Variants in CACNA1D observed in about 807,000 individuals in gnomAD.
The protein encoded by CACNA1D is voltage-dependent L-type calcium channel subunit alpha-1D.
CACNA1D carries 55 observed loss-of-function variants against 257.1 expected under a neutral mutation model. The observed-to-expected ratio is 0.21, with a 90% CI of 0.17 to 0.27. The LOEUF (loss-of-function observed/expected upper bound fraction) is 0.27, where lower values mean the gene tolerates loss of function less well. Among genes scored for constraint, CACNA1D ranks in the 10% least tolerant of loss-of-function variants. The probability of loss-of-function intolerance (pLI) is 1.00; values close to 1 mark genes in which losing one functional copy is unlikely to be tolerated. For missense variants in CACNA1D, 1,876 were observed against 2,784.0 expected (o/e 0.67, Z 7.34); for synonymous variants, 980 against 1,014.9 (o/e 0.97, Z 0.65).
chr3:53,670,616 A>C (rs2094313524), intron 7 of CACNA1D, among the ~76,000 whole-genome samples: 2 of 152,186 alleles, frequency 1.3e-5, no homozygotes, highest in Non-Finnish European at 2.9e-5. Context: ...AAGTGTTGGG[A>C]TTGCAGGCGT....
At chr3:53,542,241 C>G (rs1265254423) in intron 3 of CACNA1D, among the ~76,000 whole-genome samples, 2 of 150,844 alleles carry the variant, frequency 1.3e-5, no homozygotes, top group African/African-American at 4.9e-5. Context: ...GTGAAGTTTT[C>G]CCTGTAGGTT....
rs148606202 is a variant in CACNA1D, at chr3:53,747,031, C to A, written c.3168-271C>A. ...GCTCTCACCATGCTGTGGTTTTTAT[C>A]GGCCAACGACGTATGCCCGGTGTCT... On this transcript the variant is annotated intron_variant, in intron 25 of 47. Transcript: ENST00000350061. Among the ~76,000 whole-genome samples, 437 of 152,260 alleles carry A rather than the reference C, an allele frequency of 2.9e-3. 2 individuals are homozygous for A. The highest frequency in any genetic ancestry group is 5.1e-3 in the Non-Finnish European group (346 of 68,012).
chr3:53,743,139 C>A (rs375154238), intron 22 of CACNA1D, 22 bp downstream of exon 22: 1 of 1,455,568 alleles, frequency 6.9e-7, no homozygotes. Flanking sequence ...GGGGTGTGTG[C>A]CCAGAATTGT....
chr3:53,602,656 G>A (rs1234741608), intron 3 of CACNA1D, among the ~76,000 whole-genome samples: 1 of 152,126 alleles, frequency 6.6e-6, no homozygotes, highest in African/African-American at 2.4e-5. Context: ...TTTTAACTGG[G>A]GTGAGGTGGT....
At chr3:53,658,186 G>A (rs1029178164) in intron 4 of CACNA1D, among the ~76,000 whole-genome samples, 17 of 143,702 alleles carry the variant, frequency 1.2e-4, no homozygotes, top group African/African-American at 3.5e-4. Flanking sequence ...CTTCAGGCCC[G>A]TGGCACTTTT....
chr3:53,559,796 G>A (rs994362649), intron 3 of CACNA1D, among the ~76,000 whole-genome samples: 1 of 152,152 alleles, frequency 6.6e-6, no homozygotes, highest in African/African-American at 2.4e-5. Flanking sequence ...GAGGAATTTA[G>A]TTCCTCTGTT....
chr3:53,734,500 A>C (rs770943432), intron 19 of CACNA1D, among the ~76,000 whole-genome samples: 1 of 152,126 alleles, frequency 6.6e-6, no homozygotes, highest in Non-Finnish European at 1.5e-5. Context: ...AAATACATAC[A>C]TGTGTATATG....
intron 25 of CACNA1D, among the ~76,000 whole-genome samples, chr3:53,746,705 C>T (rs1297441425): frequency 6.6e-6 from 1 of 152,144 alleles, no homozygotes; most frequent in African/African-American, 2.4e-5. Context: ...CTGGCATTGG[C>T]GTGAGGACAC....
At position 53,751,164 on chromosome 3, in the gene CACNA1D, C is replaced by T. The variant is rs1486621593; in HGVS notation, c.3517-585C>T. 6.6e-6 allele frequency among the ~76,000 whole-genome samples: 1 copy of T among 152,236 alleles called. No homozygotes were observed. Among genetic ancestry groups the T allele is most frequent in the East Asian group, 1.9e-4 (1 of 5,200 alleles). ...CCCGATGGACATGTGGATAGCTCCC[C>T]ATAAGATGTGTATTGTTAACACACT... On this transcript the variant is annotated intron_variant, in intron 27 of 47. Coordinates refer to ENST00000350061, the MANE Select transcript of CACNA1D (RefSeq NM_001128840.3). The surrounding 1 kb of genome is among the most constrained non-coding windows in gnomAD (Gnocchi z 4.3).
intron 9 of CACNA1D, among the ~76,000 whole-genome samples, chr3:53,711,299 G>A (rs550730595): frequency 2.6e-4 from 39 of 152,280 alleles, no homozygotes; most frequent in African/African-American, 8.2e-4. Flanking sequence ...AGATTTGGGG[G>A]CACTTGCCTT....
At position 53,702,879 on chromosome 3, in the gene CACNA1D, C is replaced by A. The variant is rs891957751; in HGVS notation, c.1390+69C>A. 6 of 1,543,454 alleles carry A rather than the reference C, an allele frequency of 3.9e-6. No homozygotes were observed. The South Asian group carries it at 5.7e-5, about 15-fold the overall frequency. Reference sequence around the variant, plus strand: ...GCGGTTCAGACGCCTAGCAGTAGGCCTTCCTCGACTCTGACCCAGGCTGTG... The same window carrying A: ...GCGGTTCAGACGCCTAGCAGTAGGCATTCCTCGACTCTGACCCAGGCTGTG... On this transcript the variant is annotated intron_variant, in intron 9 of 47. Transcript: ENST00000350061.
intron 3 of CACNA1D, among the ~76,000 whole-genome samples, chr3:53,567,265 C>T (rs115236652): frequency 0.018 from 2,806 of 152,276 alleles, 28 homozygotes; most frequent in Non-Finnish European, 0.028. Flanking sequence ...TTGTTGATGT[C>T]CAACATTACA....
intron 9 of CACNA1D, among the ~76,000 whole-genome samples, chr3:53,707,740 A>T (rs1462346036): frequency 6.6e-6 from 1 of 152,170 alleles, no homozygotes; most frequent in African/African-American, 2.4e-5. Context: ...GACCATTAAA[A>T]TCTGGAAGCC....
chr3:53,783,189 T>G (rs1449945537), intron 39 of CACNA1D: 1 of 152,304 alleles, frequency 6.6e-6, no homozygotes, highest in Non-Finnish European at 1.5e-5. Flanking sequence ...ACATCTCTCT[T>G]GGAACGCCAC....
Position 53,723,375 on chromosome 3 carries a change from C to A in CACNA1D, c.1667-59C>A. 1.6e-6 allele frequency: 2 copies of A among 1,252,762 alleles called. No homozygotes were observed. Among genetic ancestry groups the A allele is most frequent in the Non-Finnish European group, 2.4e-6 (2 of 850,516 alleles). 77.6% of individuals were successfully genotyped at this position (1,252,762 alleles called of 1,614,324 possible). On this transcript the variant is annotated intron_variant, in intron 12 of 47. Transcript: ENST00000350061. The surrounding 1 kb of genome is among the most constrained non-coding windows in gnomAD (Gnocchi z 5.6). ...GATAGGGAGGGAGGTGTGAGGGGCA[C>A]GAGCAGTCTGAGTGTCTTGCAGGAG... is the stretch of plus-strand genomic sequence containing the variant.
chr3:53,524,089 G>A (rs1013343598), intron 3 of CACNA1D, among the ~76,000 whole-genome samples: 2 of 152,052 alleles, frequency 1.3e-5, no homozygotes, highest in South Asian at 2.1e-4. Flanking sequence ...TAGAAGTAGC[G>A]ACCTGAGGAA....
intron 3 of CACNA1D, among the ~76,000 whole-genome samples, chr3:53,508,684 A>T (rs892885032): frequency 6.6e-6 from 1 of 151,878 alleles, no homozygotes; most frequent in Non-Finnish European, 1.5e-5. Context: ...AACCTTCCTC[A>T]TTGGTGTTTG....
At chr3:53,775,449 T>G (rs1175465366) in intron 34 of CACNA1D, among the ~76,000 whole-genome samples, 1 of 152,066 alleles carries the variant, frequency 6.6e-6, no homozygotes, top group Non-Finnish European at 1.5e-5. Flanking sequence ...TGGTGGCAAC[T>G]GCCTGTAGTC....
chr3:53,743,126 T>A lies in CACNA1D; in HGVS notation c.2918+9T>A. 8 of 1,568,478 alleles carry A rather than the reference T, an allele frequency of 5.1e-6. No individual in the cohort carries two copies. The highest frequency in any genetic ancestry group is 7.0e-6 in the Non-Finnish European group (8 of 1,138,356). ...GTGTCATTTGGGATTCAGTAAGTAT[T>A]CTGGGGTGTGTGCCCAGAATTGTTG... On this transcript the variant is annotated intron_variant, in intron 22 of 47. Transcript: ENST00000350061.
Sources: allele counts gnomAD v4.1 joint callset (sites outside exome capture counted in the v4.1 genomes callset), GRCh38; gene constraint gnomAD v4.1.1; non-coding constraint Gnocchi (gnomAD v3.1); transcripts MANE v1.5; gene names NCBI Gene and HGNC (gene_info 2026-07-23, HGNC 2026-07-21).